Variants in KAT2B observed in about 807,000 individuals in gnomAD.
KAT2B encodes the protein histone acetyltransferase KAT2B.
In KAT2B, 36 loss-of-function variants were observed where a neutral mutation model predicts 105.9. The observed-to-expected ratio is 0.34, with a 90% CI of 0.26 to 0.45. KAT2B has a LOEUF of 0.45. Among genes scored for constraint, KAT2B ranks in the 20% least tolerant of loss-of-function variants. The probability of loss-of-function intolerance (pLI) is 1.00; values close to 1 mark genes in which losing one functional copy is unlikely to be tolerated. For synonymous variants in KAT2B, 397 were observed against 377.9 expected (o/e 1.05, Z -0.59); for missense variants, 820 against 1,021.6 (o/e 0.80, Z 2.69).
At chr3:20,110,085 T>A (rs529462632) in intron 5 of KAT2B, among the ~76,000 whole-genome samples, 1 of 152,276 alleles carries the variant, frequency 6.6e-6, no homozygotes, top group African/African-American at 2.4e-5. Flanking sequence ...CCTCTCTTCA[T>A]TAAAGGGCTC....
chr3:20,147,095 A>AT (rs35018157), intron 14 of KAT2B, among the ~76,000 whole-genome samples: 120,923 of 152,156 alleles, frequency 0.79, 48,692 homozygotes, highest in East Asian at 0.96. Context: ...ATTGAATATC[A>AT]TTGGCAATTT....
intron 1 of KAT2B, among the ~76,000 whole-genome samples, chr3:20,057,106 G>A (rs1698015143): frequency 6.6e-6 from 1 of 152,164 alleles, no homozygotes; most frequent in South Asian, 2.1e-4. Context: ...CAATGAGAAT[G>A]GAGAAGGTAT....
At position 20,101,528 on chromosome 3, in the gene KAT2B, G is replaced by C. The variant is rs4858155; in HGVS notation, c.851+60G>C. ...TAAAGCCTGTTACAGACCTAAAATTGTACTTGACTCTATAAGTATAGGGCT... is the reference window on the plus strand; with the variant it reads ...TAAAGCCTGTTACAGACCTAAAATTCTACTTGACTCTATAAGTATAGGGCT... On this transcript the variant is annotated intron_variant, in intron 5 of 17. Transcript: ENST00000263754. The C allele has an allele frequency of 0.59, 828,428 of 1,400,176 alleles. 246,841 individuals carry two copies. Among genetic ancestry groups the C allele is most frequent in the African/African-American group, 0.77 (53,808 of 70,174 alleles). 86.7% of individuals were successfully genotyped at this position (1,400,176 alleles called of 1,614,324 possible). A position where few individuals can be genotyped will look rare whatever the true frequency, so the allele number is the denominator to read the frequency against.
chr3:20,144,439 C>T lies in KAT2B; in HGVS notation c.2005-1877C>T, dbSNP rs1699750106. ...GAGTAGCTGGGACTACAGGCACCCGCCACCATGCCCAGCTAATTTTTTGTA... is the reference window on the plus strand; with the variant it reads ...GAGTAGCTGGGACTACAGGCACCCGTCACCATGCCCAGCTAATTTTTTGTA... On this transcript the variant is annotated intron_variant, in intron 13 of 17. Coordinates refer to ENST00000263754, the MANE Select transcript of KAT2B (RefSeq NM_003884.5). Among the ~76,000 whole-genome samples, 5 of 151,450 alleles carry T rather than the reference C, an allele frequency of 3.3e-5. No individual in the cohort carries two copies. The South Asian group carries it at 1.0e-3, about 32-fold the overall frequency.
intron 2 of KAT2B, among the ~76,000 whole-genome samples, chr3:20,076,856 A>G (rs1356416646): frequency 2.0e-5 from 3 of 152,256 alleles, no homozygotes; most frequent in Admixed American, 6.5e-5. Context: ...TTTCACATAC[A>G]GTAGTCACCA....
intron 13 of KAT2B, among the ~76,000 whole-genome samples, chr3:20,142,591 T>A (rs542920356): frequency 6.6e-6 from 1 of 151,958 alleles, no homozygotes; most frequent in Non-Finnish European, 1.5e-5. Flanking sequence ...AGAAAACTAG[T>A]ATAGTTGGAC....
intron 11 of KAT2B, among the ~76,000 whole-genome samples, chr3:20,133,209 A>G (rs1190571360): frequency 6.6e-6 from 1 of 152,236 alleles, no homozygotes; most frequent in Non-Finnish European, 1.5e-5. Flanking sequence ...CTTACAGGTA[A>G]GAGGTGACTG....
intron 3 of KAT2B, 39 bp from the exon 4 acceptor site, chr3:20,099,823 A>C (rs745505915): frequency 1.8e-6 from 2 of 1,095,122 alleles, no homozygotes; most frequent in South Asian, 2.6e-5. Flanking sequence ...CATACCAATT[A>C]AGTTTTTCTT....
chr3:20,072,819 C>T (rs1319777574), intron 2 of KAT2B, among the ~76,000 whole-genome samples: 6 of 152,140 alleles, frequency 3.9e-5, no homozygotes, highest in African/African-American at 1.4e-4. Context: ...GAAACCTCAA[C>T]CAACTGGTTT....
At chr3:20,111,424 G>T (rs1699118934) in intron 5 of KAT2B, among the ~76,000 whole-genome samples, 172 bp from the exon 6 acceptor site, 1 of 152,182 alleles carries the variant, frequency 6.6e-6, no homozygotes, top group Non-Finnish European at 1.5e-5. Flanking sequence ...TGATGTAAGG[G>T]TAATCTAATT....
At chr3:20,090,462 A>G (rs1331030260) in intron 2 of KAT2B, among the ~76,000 whole-genome samples, 7 of 152,184 alleles carry the variant, frequency 4.6e-5, no homozygotes, top group African/African-American at 9.7e-5. Context: ...AGAGATTACC[A>G]TATGATTTTT....
chr3:20,126,771 G>T (rs1190126299), intron 10 of KAT2B, among the ~76,000 whole-genome samples: 1 of 140,220 alleles, frequency 7.1e-6, no homozygotes, highest in Non-Finnish European at 1.5e-5. Context: ...GTGGTGAGCC[G>T]AGACCGTGCC....
chr3:20,137,158 G>T, intron 12 of KAT2B, 106 bp downstream of exon 12: 1 of 641,386 alleles, frequency 1.6e-6, no homozygotes, highest in Non-Finnish European at 2.8e-6. Flanking sequence ...CTACTTATAA[G>T]AACAGGCATT....
rs750686672 is a variant in KAT2B at position 20,095,258 on chromosome 3, A to C, written c.431-5A>C. The C allele has an allele frequency of 8.1e-6, 13 of 1,609,958 alleles. No homozygotes were observed. In the African/African-American group the frequency reaches 1.7e-4, roughly 22 times the overall value. Reference sequence around the variant, plus strand: ...TTACATATGTTTCTTTGATCTTATCATAAGCTGCTCATGTTTCCCACCTGG... The same window carrying C: ...TTACATATGTTTCTTTGATCTTATCCTAAGCTGCTCATGTTTCCCACCTGG... On this transcript the variant is annotated splice_polypyrimidine_tract_variant and splice_region_variant and intron_variant, in intron 2 of 17. Transcript: ENST00000263754.
intron 3 of KAT2B, among the ~76,000 whole-genome samples, chr3:20,097,746 A>G (rs2125196500): frequency 6.6e-6 from 1 of 152,108 alleles, no homozygotes; most frequent in East Asian, 1.9e-4. Context: ...ATTGTCGGCC[A>G]CGCTTGTCTT....
chr3:20,127,282 G>A (rs907489214), intron 10 of KAT2B, 141 bp from the exon 11 acceptor site: 5 of 733,534 alleles, frequency 6.8e-6, no homozygotes, highest in Non-Finnish European at 1.1e-5. Flanking sequence ...ATGGTCTAGC[G>A]AGATAGGGGC....
At chr3:20,084,318 C>T (rs1698575725) in intron 2 of KAT2B, among the ~76,000 whole-genome samples, 1 of 152,120 alleles carries the variant, frequency 6.6e-6, no homozygotes, top group Non-Finnish European at 1.5e-5. Flanking sequence ...GGAAGCTTAA[C>T]CTTTCTCATA....
At chr3:20,144,288 T>C (rs1208901103) in intron 13 of KAT2B, among the ~76,000 whole-genome samples, 1 of 63,142 alleles carries the variant, frequency 1.6e-5, no homozygotes, top group Non-Finnish European at 3.0e-5. Flanking sequence ...TTTTTTTTTT[T>C]TTTTTTTTTT....
Position 20,040,702 on chromosome 3 carries a change from C to T in KAT2B, c.225C>T (p.Ile75=). 1 of 1,582,962 alleles carries T rather than the reference C, an allele frequency of 6.3e-7. No homozygotes were observed. The highest frequency in any genetic ancestry group is 8.6e-7 in the Non-Finnish European group (1 of 1,168,718). The change falls in exon 1 of 18, where the codon ATC becomes ATT. Residue 75 remains isoleucine, a synonymous_variant. Transcript: ENST00000263754. ...CGGGAGGCGGTGGCTCGGCCCGAAT[C>T]GCCGTGAAGAAAGCGCAACTACGCT... ...EGPGGGGSAR[I]AVKKAQLRSA...
Sources: allele counts gnomAD v4.1 joint callset (sites outside exome capture counted in the v4.1 genomes callset), GRCh38; gene constraint gnomAD v4.1.1; transcripts MANE v1.5; gene names NCBI Gene and HGNC (gene_info 2026-07-23, HGNC 2026-07-21).